FGF19: variants seen among roughly 807,000 people sequenced by gnomAD.
FGF19 encodes FGF-19.
A neutral mutation model predicts 8.9 loss-of-function variants in FGF19; 5 were observed. The ratio of observed to expected loss-of-function variants is 0.56; its 90% confidence interval spans 0.29 to 1.18. The LOEUF is 1.18. FGF19 is among the 50% of genes most tolerant of loss of function. The pLI, the probability that FGF19 is intolerant of heterozygous loss-of-function variation, is 0.08. For synonymous variants in FGF19, 124 were observed against 128.0 expected (o/e 0.97, Z 0.21); for missense variants, 237 against 293.9 (o/e 0.81, Z 1.42).
rs548598569 is a variant in FGF19 at position 69,703,220 on chromosome 11, G to A, written c.336+41C>T. 36 of 1,420,602 alleles carry A rather than the reference G, an allele frequency of 2.5e-5. No individual in the cohort carries two copies. Among genetic ancestry groups the A allele is most frequent in the East Asian group, 2.5e-4 (10 of 40,390 alleles). 88.0% of individuals were successfully genotyped at this position (1,420,602 alleles called of 1,614,324 possible). A position where few individuals can be genotyped will look rare whatever the true frequency, so the allele number is the denominator to read the frequency against. ...AGGCCTCCGCCCGGGGACAGGCGCC[G>A]GTCCCCCGCCCCGGCGCATCCGCCC... On this transcript the variant is annotated intron_variant, in intron 2 of 2. Transcript: ENST00000294312. This position sits in a 1 kb window ranked among gnomAD's most constrained non-coding sequence, Gnocchi z 6.8.
intron 2 of FGF19, among the ~76,000 whole-genome samples, chr11:69,700,458 T>G (rs1421883708): frequency 1.3e-5 from 2 of 152,202 alleles, no homozygotes; most frequent in Admixed American, 1.3e-4. Flanking sequence ...CCTCACCCTT[T>G]ACATTACAGA....
At position 69,699,546 on chromosome 11, in the gene FGF19, C is replaced by G; in HGVS notation, c.367G>C (p.Glu123Gln). Residue 123 changes from glutamate to glutamine, a missense_variant, in exon 3 of 3, where the codon GAG (glutamate) becomes CAG (glutamine). By Grantham distance (29) the Glu-to-Gln change is conservative (BLOSUM62 2). Coordinates refer to ENST00000294312, the MANE Select transcript of FGF19 (RefSeq NM_005117.3). ...LQYSEEDCAF[E>Q]EEIRPDGYNV... ...TAGCCATCTGGGCGGATCTCCTCCTCGAAAGCACAGTCTTCCTCCGAGTAC... is the reference window on the plus strand; with the variant it reads ...TAGCCATCTGGGCGGATCTCCTCCTGGAAAGCACAGTCTTCCTCCGAGTAC... The G allele has an allele frequency of 1.9e-6, 3 of 1,613,488 alleles. No individual in the cohort carries two copies. The highest frequency in any genetic ancestry group is 2.2e-5 in the South Asian group (2 of 91,016).
intron 2 of FGF19, among the ~76,000 whole-genome samples, chr11:69,701,601 C>T (rs1181750397): frequency 3.9e-5 from 3 of 77,206 alleles, no homozygotes; most frequent in African/African-American, 5.5e-5. Context: ...AGCGAGACTC[C>T]GTCTCAAAAA....
chr11:69,702,740 T>G lies in FGF19; in HGVS notation c.336+521A>C, dbSNP rs1854789731. ...ACCGTGCTCCTGGTAGATTAAAAAT[T>G]AATTCTAAAAAAAAAATCTCTCCTA... On this transcript the variant is annotated intron_variant, in intron 2 of 2. Coordinates refer to ENST00000294312, the MANE Select transcript of FGF19 (RefSeq NM_005117.3). The surrounding 1 kb of genome is among the most constrained non-coding windows in gnomAD (Gnocchi z 4.6). 6.6e-6 allele frequency among the ~76,000 whole-genome samples: 1 copy of G among 152,128 alleles called. No homozygotes were observed. Among genetic ancestry groups the G allele is most frequent in the South Asian group, 2.1e-4 (1 of 4,832 alleles).
Position 69,703,527 on chromosome 11 carries a change from G to C in FGF19, c.232+118C>G. ...GTGCCAAAACCTGGGGTTCCCAGGAGTTGAGGGGTCCGCAGGAGCCTAAGG... is the reference window on the plus strand; with the variant it reads ...GTGCCAAAACCTGGGGTTCCCAGGACTTGAGGGGTCCGCAGGAGCCTAAGG... On this transcript the variant is annotated intron_variant, in intron 1 of 2. Transcript: ENST00000294312. The surrounding 1 kb of genome is among the most constrained non-coding windows in gnomAD (Gnocchi z 6.8). The C allele has an allele frequency of 1.3e-6, 1 of 774,908 alleles. No individual in the cohort carries two copies. Among genetic ancestry groups the C allele is most frequent in the Non-Finnish European group, 1.9e-6 (1 of 535,658 alleles). 48.0% of individuals were successfully genotyped at this position (774,908 alleles called of 1,614,324 possible).
intron 2 of FGF19, among the ~76,000 whole-genome samples, chr11:69,700,242 T>C (rs117901419): frequency 2.6e-3 from 390 of 152,176 alleles, no homozygotes; most frequent in Middle Eastern, 0.014. Flanking sequence ...TATACCTTTA[T>C]AAATTATAAT....
rs769499839 is a variant in FGF19 at position 69,699,408 on chromosome 11, G to A, written c.505C>T (p.Leu169=). Residue 169 remains leucine (L), a synonymous_variant, in exon 3 of 3, where the codon CTG becomes TTG. Transcript: ENST00000294312. ...TCAGGCTCCTCTGGGACCATGGGCA[G>A]CATGGGCAGGAAATGAGAGAGTGGA... is the stretch of plus-strand genomic sequence containing the variant. ...FLPLSHFLPM[L]PMVPEEPEDL... is the part of the protein sequence containing the mutation. The A allele has an allele frequency of 6.2e-7, 1 of 1,614,206 alleles. No homozygotes were observed. The highest frequency in any genetic ancestry group is 1.1e-5 in the South Asian group (1 of 91,080).
chr11:69,700,766 CCCAGG>C (rs149065170), intron 2 of FGF19, among the ~76,000 whole-genome samples: 3 of 151,194 alleles, frequency 2.0e-5, no homozygotes, highest in South Asian at 2.1e-4. Flanking sequence ...CAGCCCCTCC[CCCAGG>C]CCAGGCCAGG....
At position 69,699,455 on chromosome 11, in the gene FGF19, A is replaced by G. The variant is rs765550225; in HGVS notation, c.458T>C (p.Leu153Pro). The change falls in exon 3 of 3, where the codon CTG becomes CCG. Residue 153 changes from leucine to proline, a missense_variant. Coordinates refer to ENST00000294312, the MANE Select transcript of FGF19 (RefSeq NM_005117.3). ...TGGAAGAAAGCCTCTGTTCTTGTAC[A>G]GCTGCCGCTGTTTGGCACTGCTCAG... ...VSLSSAKQRQ[L>P]YKNRGFLPLS... 6.2e-7 allele frequency: 1 copy of G among 1,614,226 alleles called. No homozygotes were observed. The highest frequency in any genetic ancestry group is 8.5e-7 in the Non-Finnish European group (1 of 1,180,042).
Position 69,698,677 on chromosome 11 carries a change from T to C in FGF19, c.*585A>G. ...AGTTGTCCCAGGGCTGGAGTGGGGC[T>C]CCAGGCTTCCCCTACTCCTGAAGCC... On this transcript the variant is annotated 3_prime_UTR_variant, in exon 3 of 3. Coordinates refer to ENST00000294312, the MANE Select transcript of FGF19 (RefSeq NM_005117.3). The C allele has an allele frequency of 5.1e-6, 1 of 197,110 alleles. No homozygotes were observed. The highest frequency in any genetic ancestry group is 1.0e-5 in the Non-Finnish European group (1 of 95,248). The allele number at this position is 197,110 out of a possible 1,614,324, so 12.2% of individuals were successfully genotyped here.
rs778799135 is a variant in FGF19, at chr11:69,703,216, C to A, written c.336+45G>T. The A allele has an allele frequency of 7.2e-6, 10 of 1,393,754 alleles. No individual in the cohort carries two copies. The highest frequency in any genetic ancestry group is 9.9e-6 in the Non-Finnish European group (10 of 1,010,306). The allele number at this position is 1,393,754 out of a possible 1,614,324, so 86.3% of individuals were successfully genotyped here. Reference sequence around the variant, plus strand: ...CTTCAGGCCTCCGCCCGGGGACAGGCGCCGGTCCCCCGCCCCGGCGCATCC... The same window carrying A: ...CTTCAGGCCTCCGCCCGGGGACAGGAGCCGGTCCCCCGCCCCGGCGCATCC... On this transcript the variant is annotated intron_variant, in intron 2 of 2. Coordinates refer to ENST00000294312, the MANE Select transcript of FGF19 (RefSeq NM_005117.3). This position sits in a 1 kb window ranked among gnomAD's most constrained non-coding sequence, Gnocchi z 6.8.
chr11:69,702,362 G>A lies in FGF19; in HGVS notation c.336+899C>T, dbSNP rs1436186126. Among the ~76,000 whole-genome samples, 1 of 152,196 alleles carries A rather than the reference G, an allele frequency of 6.6e-6. No individual in the cohort carries two copies. On this transcript the variant is annotated intron_variant, in intron 2 of 2. Transcript: ENST00000294312. This position sits in a 1 kb window ranked among gnomAD's most constrained non-coding sequence, Gnocchi z 4.6. The stretch of plus-strand genomic sequence containing the variant: ...GCCCCGCCTCTGCATCCTTTCTGGG[G>A]TGGGGGCCCCGGGCAGGCGCGGCCA...
At position 69,702,543 on chromosome 11, in the gene FGF19, C is replaced by T. The variant is rs1744005073; in HGVS notation, c.336+718G>A. On this transcript the variant is annotated intron_variant, in intron 2 of 2. Coordinates refer to ENST00000294312, the MANE Select transcript of FGF19 (RefSeq NM_005117.3). The surrounding 1 kb of genome is among the most constrained non-coding windows in gnomAD (Gnocchi z 4.6). The stretch of plus-strand genomic sequence containing the variant: ...CAGCCTTTGTTCCCGGCCACCAGAG[C>T]CCCAGCGCTCGTACACTTCCGGCCC... Among the ~76,000 whole-genome samples, 1 of 152,116 alleles carries T rather than the reference C, an allele frequency of 6.6e-6. No individual in the cohort carries two copies. Among genetic ancestry groups the T allele is most frequent in the Admixed American group, 6.5e-5 (1 of 15,280 alleles).
chr11:69,698,910 G>T lies in FGF19; in HGVS notation c.*352C>A, dbSNP rs1947735912. On this transcript the variant is annotated 3_prime_UTR_variant, in exon 3 of 3. Coordinates refer to ENST00000294312, the MANE Select transcript of FGF19 (RefSeq NM_005117.3). ...GGGGAAGTGATGAGAAAAAATTAGA[G>T]AATTTCAGCTTGACATAAGAATTTT... The T allele has an allele frequency of 3.8e-6, 1 of 265,848 alleles. No individual in the cohort carries two copies. The allele number at this position is 265,848 out of a possible 1,614,324, so 16.5% of individuals were successfully genotyped here.
rs1264857484 is a variant in FGF19 at position 69,699,342 on chromosome 11, G to T, written c.571C>A (p.Pro191Thr). ...GHLESDMFSS[P>T]LETDSMDPFG... ...GGGTCCATGCTGTCGGTCTCCAGGG[G>T]CGAAGAGAACATGTCAGATTCCAAG... The change falls in exon 3 of 3, where the codon CCC (proline) becomes ACC (threonine). Residue 191 changes from proline (P) to threonine (T), a missense_variant. Pro to Thr is a conservative substitution (Grantham distance 38). Transcript: ENST00000294312. 1.2e-6 allele frequency: 2 copies of T among 1,614,078 alleles called. No homozygotes were observed. Among genetic ancestry groups the T allele is most frequent in the South Asian group, 1.1e-5 (1 of 91,082 alleles).
At position 69,703,238 on chromosome 11, in the gene FGF19, A is replaced by G. The variant is rs1217747360; in HGVS notation, c.336+23T>C. The stretch of plus-strand genomic sequence containing the variant: ...AGGCGCCGGTCCCCCGCCCCGGCGC[A>G]TCCGCCCCGTGGGGACACTTACCAG... On this transcript the variant is annotated intron_variant, in intron 2 of 2. Transcript: ENST00000294312. The surrounding 1 kb of genome is among the most constrained non-coding windows in gnomAD (Gnocchi z 6.8). 3.9e-6 allele frequency: 6 copies of G among 1,542,928 alleles called. No individual in the cohort carries two copies. The East Asian group carries it at 1.4e-4, about 37-fold the overall frequency.
In FGF19 at chr11:69,700,791, C is replaced by CCGGT. The variant is rs1854760574; in HGVS notation, c.337-1216_337-1215insACCG. Among the ~76,000 whole-genome samples, 4 of 121,030 alleles carry CCGGT rather than the reference C, an allele frequency of 3.3e-5. No homozygotes were observed. The South Asian group carries it at 1.1e-3, about 33-fold the overall frequency. 79.4% of individuals were successfully genotyped at this position (121,030 alleles called of 152,430 possible). ...CCCAGGCCAGGCCAGGCCAGGCCGG[C>CCGGT]GCCCAGCTGGTGGCCGGAAATGTGT... On this transcript the variant is annotated intron_variant, in intron 2 of 2. Coordinates refer to ENST00000294312, the MANE Select transcript of FGF19 (RefSeq NM_005117.3).
chr11:69,700,045 T>C (rs1428502335), intron 2 of FGF19, among the ~76,000 whole-genome samples: 1 of 151,692 alleles, frequency 6.6e-6, no homozygotes, highest in Admixed American at 6.6e-5. Flanking sequence ...GCAATGATCA[T>C]GCCACTGCAC....
chr11:69,701,996 C>T (rs1171420601), intron 2 of FGF19, among the ~76,000 whole-genome samples: 2 of 115,128 alleles, frequency 1.7e-5, no homozygotes, highest in Non-Finnish European at 1.8e-5. Flanking sequence ...AAAAAAAAGG[C>T]ACAGAGGGAT....
Sources: gnomAD v4.1 joint callset for allele counts (sites outside exome capture counted in the v4.1 genomes callset) on GRCh38, gnomAD v4.1.1 for gene constraint, Gnocchi (gnomAD v3.1) non-coding constraint, MANE v1.5 for transcripts, NCBI Gene and HGNC (gene_info 2026-07-23, HGNC 2026-07-21) for gene names.